ANK1: variants seen among roughly 807,000 people sequenced by gnomAD.
The protein encoded by ANK1 is ankyrin 1.
Under a neutral mutation model 210.4 loss-of-function variants are expected in ANK1, and 51 were observed. The ratio of observed to expected loss-of-function variants is 0.24; its 90% CI spans 0.19 to 0.31. The LOEUF is 0.31. ANK1 is among the 10% of genes least tolerant of loss of function. The pLI is 1.00. For missense variants in ANK1, 2,051 were observed against 2,504.4 expected (o/e 0.82, Z 3.86); for synonymous variants, 967 against 1,025.9 (o/e 0.94, Z 1.10).
chr8:41,690,869 T>C (rs1430246127), intron 31 of ANK1, among the ~76,000 whole-genome samples: 2 of 152,222 alleles, frequency 1.3e-5, no homozygotes, highest in African/African-American at 4.8e-5. Context: ...CTATCAAGTA[T>C]TCCAAAACTT....
chr8:41,870,947 A>G (rs1445378059), intron 1 of ANK1, among the ~76,000 whole-genome samples: 2 of 151,994 alleles, frequency 1.3e-5, no homozygotes, highest in Non-Finnish European at 2.9e-5. Flanking sequence ...GGGCACGGGG[A>G]CTGTCTGCCC....
chr8:41,748,869 G>A (rs759955216), intron 2 of ANK1, among the ~76,000 whole-genome samples: 2 of 152,188 alleles, frequency 1.3e-5, no homozygotes, highest in Non-Finnish European at 2.9e-5. Flanking sequence ...TCCCGTCTCT[G>A]CTAAAAATAC....
intron 33 of ANK1, among the ~76,000 whole-genome samples, chr8:41,689,863 ACCTCAGAGG>A (rs1461285624): frequency 7.8e-4 from 118 of 152,074 alleles, no homozygotes; most frequent in Non-Finnish European, 2.9e-5. Flanking sequence ...CTTGGTGTGA[ACCTCAGAGG>A]CCTCGGGCCA....
intron 9 of ANK1, among the ~76,000 whole-genome samples, chr8:41,721,753 G>A (rs1433905635): frequency 1.3e-5 from 2 of 150,750 alleles, no homozygotes; most frequent in Non-Finnish European, 2.9e-5. Flanking sequence ...GTAAGTTTCT[G>A]TTGTTTAAGC....
rs552851149 is a variant in ANK1, at chr8:41,859,408, A to G, written c.126+36947T>C. Among the ~76,000 whole-genome samples, 44 of 152,292 alleles carry G rather than the reference A, an allele frequency of 2.9e-4. 2 individuals are homozygous for G. The highest frequency in any genetic ancestry group is 1.0e-3 in the African/African-American group (42 of 41,556). On this transcript the variant is annotated intron_variant, in intron 1 of 42. Coordinates refer to the ANK1 transcript ENST00000265709. The stretch of plus-strand genomic sequence containing the variant: ...GTCGCCCAGGCTGGAATGCTGTGAC[A>G]TGATCTTGGCTCACTGCAACCTCCA...
rs1460229880 is a variant in ANK1 at position 41,704,900 on chromosome 8, A to G, written c.2098-428T>C. Among the ~76,000 whole-genome samples, 1 of 152,188 alleles carries G rather than the reference A, an allele frequency of 6.6e-6. No homozygotes were observed. The highest frequency in any genetic ancestry group is 1.5e-5 in the Non-Finnish European group (1 of 68,030). On this transcript the variant is annotated intron_variant, in intron 18 of 42. Coordinates refer to ENST00000289734, the MANE Select transcript of ANK1 (RefSeq NM_000037.4). This position sits in a 1 kb window ranked among gnomAD's most constrained non-coding sequence, Gnocchi z 4.1. ...TTTCAAGAAGGAAGAAACAGCCTTC[A>G]GGCCTGGGAAGGGTGCTGAGATGAG... is the stretch of plus-strand genomic sequence containing the variant.
chr8:41,886,607 C>T (rs760747364), intron 1 of ANK1, among the ~76,000 whole-genome samples: 24 of 152,316 alleles, frequency 1.6e-4, no homozygotes, highest in Non-Finnish European at 2.8e-4. Context: ...TGCGTTCTGA[C>T]GGAGGACTTG....
intron 1 of ANK1, among the ~76,000 whole-genome samples, chr8:41,850,246 C>T (rs898963142): frequency 6.6e-5 from 10 of 152,080 alleles, no homozygotes; most frequent in Admixed American, 2.6e-4. Flanking sequence ...CTAAAAGTTC[C>T]GCCTGAATGC....
At chr8:41,870,925 T>G (rs1047364868) in intron 1 of ANK1, among the ~76,000 whole-genome samples, 2 of 152,164 alleles carry the variant, frequency 1.3e-5, no homozygotes, top group African/African-American at 4.8e-5. Flanking sequence ...CCACCCCTCC[T>G]GGCTCTCGAA....
intron 21 of ANK1, 120 bp downstream of exon 21, chr8:41,701,932 G>A (rs370307870): frequency 1.9e-6 from 2 of 1,063,820 alleles, no homozygotes; most frequent in Non-Finnish European, 2.8e-6. Context: ...CGTCGGGCGC[G>A]GCGCCTCCGA....
At chr8:41,734,178 G>A (rs1281108409) in intron 2 of ANK1, 109 bp from the exon 3 acceptor site, 7 of 950,336 alleles carry the variant, frequency 7.4e-6, no homozygotes, top group Non-Finnish European at 1.0e-5. Flanking sequence ...CACAGCACTG[G>A]AGAAAAGGAG....
At chr8:41,716,854 C>G in intron 13 of ANK1, 99 bp downstream of exon 13, 1 of 1,226,420 alleles carries the variant, frequency 8.2e-7, no homozygotes, top group South Asian at 1.2e-5. Context: ...ATCCCCAGGC[C>G]ACAGCACTGC....
intron 2 of ANK1, among the ~76,000 whole-genome samples, chr8:41,739,521 C>CTTTTTTTTTTTTTTTTTT (rs71239075): frequency 8.6e-6 from 1 of 116,126 alleles, no homozygotes; most frequent in African/African-American, 3.2e-5. Context: ...TTTTTTCTTT[C>CTTTTTTTTTTTTTTTTTT]TTTTTTTTTT....
intron 1 of ANK1, among the ~76,000 whole-genome samples, chr8:41,848,536 C>T (rs1487801773): frequency 6.6e-6 from 1 of 152,236 alleles, no homozygotes; most frequent in African/African-American, 2.4e-5. Flanking sequence ...AGCCCTGGGC[C>T]CCTGGCCTGG....
intron 9 of ANK1, among the ~76,000 whole-genome samples, 183 bp from the exon 10 acceptor site, chr8:41,720,041 T>C (rs1044136834): frequency 2.6e-5 from 4 of 152,142 alleles, no homozygotes; most frequent in African/African-American, 7.2e-5. Flanking sequence ...GACATTCTCC[T>C]TTCCACCTGG....
At chr8:41,884,597 G>T (rs904892292) in intron 1 of ANK1, among the ~76,000 whole-genome samples, 2 of 151,746 alleles carry the variant, frequency 1.3e-5, no homozygotes, top group Non-Finnish European at 2.9e-5. Flanking sequence ...AGCTTTCAGA[G>T]TCCGAGGCAG....
intron 1 of ANK1, among the ~76,000 whole-genome samples, chr8:41,836,513 C>G (rs571134161): frequency 6.6e-6 from 1 of 152,346 alleles, no homozygotes; most frequent in African/African-American, 2.4e-5. Context: ...GGCTCCCGGT[C>G]CCCCTCCCCT....
At chr8:41,851,794 C>G (rs945873435) in intron 1 of ANK1, among the ~76,000 whole-genome samples, 1 of 152,134 alleles carries the variant, frequency 6.6e-6, no homozygotes, top group Non-Finnish European at 1.5e-5. Context: ...GAGGTTGAGG[C>G]TGCAGTAAGC....
rs370985114 is a variant in ANK1 at position 41,812,322 on chromosome 8, G to T, written c.127-54185C>A. Among the ~76,000 whole-genome samples the T allele has an allele frequency of 2.0e-5, 3 of 152,070 alleles. No individual in the cohort carries two copies. The South Asian group carries it at 6.2e-4, about 32-fold the overall frequency. ...ATTATATACATAATTATATATATGG[G>T]AGTCCCACAAAATATGAGACTCAAA... On this transcript the variant is annotated intron_variant, in intron 1 of 42. Transcript: ENST00000265709.
Sources: allele counts gnomAD v4.1 joint callset (sites outside exome capture counted in the v4.1 genomes callset), GRCh38; gene constraint gnomAD v4.1.1; non-coding constraint Gnocchi (gnomAD v3.1); transcripts MANE v1.5; gene names NCBI Gene and HGNC (gene_info 2026-07-23, HGNC 2026-07-21).